CCDC14: variants seen among roughly 807,000 people sequenced by gnomAD.
The protein encoded by CCDC14 is coiled-coil domain containing 14, also known as coiled-coil domain-containing protein 14.
Under a neutral mutation model 81.4 loss-of-function variants are expected in CCDC14, and 71 were observed. The observed-to-expected ratio is 0.87, with a 90% CI of 0.72 to 1.06. CCDC14 has a LOEUF of 1.06. Ranked by LOEUF, CCDC14 falls within the 50% of genes least tolerant of loss-of-function variation. The pLI is 0.00. For missense variants in CCDC14, 1,046 were observed against 1,047.3 expected (o/e 1.00, Z 0.02); for synonymous variants, 332 against 364.8 (o/e 0.91, Z 1.03).
chr3:123,933,528 T>C (rs1362340278), intron 10 of CCDC14, 145 bp downstream of exon 10: 5 of 615,930 alleles, frequency 8.1e-6, no homozygotes, highest in Non-Finnish European at 1.4e-5. Flanking sequence ...GTGTATATTA[T>C]TGGGAAGTGA....
downstream of CCDC14, among the ~76,000 whole-genome samples, chr3:123,895,877 A>G (rs2034053434): frequency 6.6e-6 from 1 of 152,198 alleles, no homozygotes; most frequent in Non-Finnish European, 1.5e-5. Context: ...CAAAAAACTA[A>G]AAGTAGAATT....
At chr3:123,911,741 T>C (rs2034450962), downstream of CCDC14, among the ~76,000 whole-genome samples, 1 of 152,150 alleles carries the variant, frequency 6.6e-6, no homozygotes, top group Non-Finnish European at 1.5e-5. Flanking sequence ...ACTGAGTGAA[T>C]GAATCTTTAG....
Position 123,914,996 on chromosome 3 carries a change from C to A in CCDC14, c.2501G>T (p.Gly834Val). The A allele has an allele frequency of 6.2e-7, 1 of 1,614,004 alleles. No homozygotes were observed. Among genetic ancestry groups the A allele is most frequent in the Non-Finnish European group, 8.5e-7 (1 of 1,179,872 alleles). ...GCTGTTGCTAAGACAACCTGATGGG[C>A]CATGACATGCAGTTTGTTCCTCTGG... is the stretch of plus-strand genomic sequence containing the variant. ...KEPEEQTACH[G>V]PSGCLSNSLQ... The change falls in exon 13 of 13, where the codon GGC (glycine) becomes GTC (valine). Residue 834 changes from glycine to valine, a missense_variant. Coordinates refer to ENST00000409697, the MANE Select transcript of CCDC14 (RefSeq NM_001366335.1).
Position 123,915,481 on chromosome 3 carries a change from T to TG in CCDC14, c.2015dup (p.Asp673ArgfsTer5), listed in dbSNP as rs1331587057. 3 of 1,614,028 alleles carry TG rather than the reference T, an allele frequency of 1.9e-6. No homozygotes were observed. The highest frequency in any genetic ancestry group is 2.5e-6 in the Non-Finnish European group (3 of 1,179,880). ...ACAGAACATTTTCATAGGTTTTGTCTGGCTCTATGGTTTCCTCATTTTTAA... is the reference window on the plus strand; with the variant it reads ...ACAGAACATTTTCATAGGTTTTGTCTGGGCTCTATGGTTTCCTCATTTTTAA... On this transcript the variant is annotated frameshift_variant, in exon 13 of 13. Transcript: ENST00000409697. LOFTEE classifies it low-confidence loss of function (END_TRUNC).
At chr3:123,945,484 T>C (rs543143669) in intron 8 of CCDC14, among the ~76,000 whole-genome samples, 68 of 152,266 alleles carry the variant, frequency 4.5e-4, no homozygotes, top group Non-Finnish European at 8.4e-4. Flanking sequence ...CATTACTTAA[T>C]TTTCTAAAGT....
intron 12 of CCDC14, among the ~76,000 whole-genome samples, chr3:123,928,521 A>G (rs551543028): frequency 6.6e-6 from 1 of 152,038 alleles, no homozygotes; most frequent in Non-Finnish European, 1.5e-5. Context: ...AAATAAATAA[A>G]TAAATAAAAA....
At position 123,956,441 on chromosome 3, in the gene CCDC14, T is replaced by C; in HGVS notation, c.87-14A>G. On this transcript the variant is annotated splice_polypyrimidine_tract_variant and intron_variant, in intron 2 of 12. Transcript: ENST00000409697. The stretch of plus-strand genomic sequence containing the variant: ...CTTAAATAGGTCCTGGAAAACAAGC[T>C]TATTAATATTCTTACAAATATTTTT... 1.3e-6 allele frequency: 2 copies of C among 1,509,080 alleles called. No homozygotes were observed. Among genetic ancestry groups the C allele is most frequent in the Non-Finnish European group, 1.8e-6 (2 of 1,115,238 alleles). 93.5% of individuals were successfully genotyped at this position (1,509,080 alleles called of 1,614,324 possible).
At chr3:123,950,645 G>A (rs1296533686) in intron 5 of CCDC14, among the ~76,000 whole-genome samples, 1 of 152,114 alleles carries the variant, frequency 6.6e-6, no homozygotes, top group Non-Finnish European at 1.5e-5. Context: ...AGGTGATGGT[G>A]AGGGTACTGA....
Position 123,914,349 on chromosome 3 carries a change from A to G in CCDC14, c.*430T>C, listed in dbSNP as rs555735020. 1.6e-4 allele frequency: 160 copies of G among 985,198 alleles called. No homozygotes were observed. In the African/African-American group the frequency reaches 2.7e-3, roughly 16 times the overall value. 61.0% of individuals were successfully genotyped at this position (985,198 alleles called of 1,614,324 possible). ...CACACAGCATGTTTAATAAAAACACATTGCTATTAAAAAAAAGTATATGTA... is the reference window on the plus strand; with the variant it reads ...CACACAGCATGTTTAATAAAAACACGTTGCTATTAAAAAAAAGTATATGTA... On this transcript the variant is annotated 3_prime_UTR_variant, in exon 13 of 13. Transcript: ENST00000409697.
At chr3:123,934,210 T>C (rs1212284734) in intron 9 of CCDC14, among the ~76,000 whole-genome samples, 1 of 133,428 alleles carries the variant, frequency 7.5e-6, no homozygotes, top group Non-Finnish European at 1.5e-5. Context: ...GAGGTGGAGG[T>C]TGCAGTGAGT....
intron 5 of CCDC14, among the ~76,000 whole-genome samples, chr3:123,903,343 C>CAT: frequency 6.8e-6 from 1 of 146,188 alleles, no homozygotes; most frequent in East Asian, 2.0e-4. Flanking sequence ...CACACACACA[C>CAT]GACAAGCCAC....
chr3:123,940,688 A>G (rs2036303636), intron 9 of CCDC14, among the ~76,000 whole-genome samples: 1 of 152,054 alleles, frequency 6.6e-6, no homozygotes, highest in Admixed American at 6.6e-5. Flanking sequence ...TATGCTGGTA[A>G]CAGATCACTT....
intron 12 of CCDC14, among the ~76,000 whole-genome samples, chr3:123,925,071 T>C (rs1400294479): frequency 2.0e-5 from 3 of 151,524 alleles, no homozygotes; most frequent in Non-Finnish European, 4.4e-5. Flanking sequence ...CTTCAGTGAA[T>C]GAATGATTAT....
intron 9 of CCDC14, among the ~76,000 whole-genome samples, chr3:123,937,788 T>A (rs2036133920): frequency 1.3e-5 from 2 of 151,960 alleles, no homozygotes; most frequent in Non-Finnish European, 2.9e-5. Flanking sequence ...GTTTTGTAGT[T>A]TTAGTTTATA....
chr3:123,922,105 G>T (rs1048653361), intron 12 of CCDC14, among the ~76,000 whole-genome samples: 4 of 152,144 alleles, frequency 2.6e-5, no homozygotes, highest in African/African-American at 9.7e-5. Flanking sequence ...TGGAAATTAA[G>T]CAACATGCTG....
At chr3:123,933,532 GA>G (rs2035871354) in intron 10 of CCDC14, 140 bp downstream of exon 10, 1 of 620,312 alleles carries the variant, frequency 1.6e-6, no homozygotes, top group Non-Finnish European at 2.8e-6. Context: ...ATATTATTGG[GA>G]AGTGACAGCA....
At chr3:123,943,820 C>G (rs1294442554) in intron 9 of CCDC14, among the ~76,000 whole-genome samples, 1 of 152,166 alleles carries the variant, frequency 6.6e-6, no homozygotes, top group East Asian at 1.9e-4. Flanking sequence ...GGCATAGAAG[C>G]TCCATGCCCT....
chr3:123,912,304 C>A (rs2034466219), downstream of CCDC14, among the ~76,000 whole-genome samples: 3 of 152,292 alleles, frequency 2.0e-5, no homozygotes, highest in South Asian at 6.2e-4. Flanking sequence ...CAGCCTGACC[C>A]TTCTGAGACT....
At chr3:123,950,279 C>T (rs2036929138) in intron 5 of CCDC14, among the ~76,000 whole-genome samples, 1 of 152,192 alleles carries the variant, frequency 6.6e-6, no homozygotes, top group Non-Finnish European at 1.5e-5. Flanking sequence ...AACAATTCCA[C>T]TCCCAGGTAT....
Sources: allele counts gnomAD v4.1 joint callset (sites outside exome capture counted in the v4.1 genomes callset), GRCh38; gene constraint gnomAD v4.1.1; transcripts MANE v1.5; gene names NCBI Gene and HGNC (gene_info 2026-07-23, HGNC 2026-07-21).